SZT2: variants seen among roughly 807,000 people sequenced by gnomAD.
SZT2 encodes SZT2 subunit of KICSTOR complex.
A neutral mutation model predicts 404.2 loss-of-function variants in SZT2; 216 were observed. That is an observed-to-expected ratio of 0.53 (90% CI 0.48 to 0.60). The LOEUF (loss-of-function observed/expected upper bound fraction) is 0.60. SZT2 is among the 20% of genes least tolerant of loss of function. The pLI is 0.00. For synonymous variants in SZT2, 1,693 were observed against 1,749.9 expected (o/e 0.97, Z 0.81); for missense variants, 3,857 against 4,459.2 (o/e 0.86, Z 3.85).
chr1:43,450,025 C>T lies in SZT2; in HGVS notation c.10087-78C>T, dbSNP rs1447741784. On this transcript the variant is annotated intron_variant, in intron 70 of 71. Transcript: ENST00000634258. This position sits in a 1 kb window ranked among gnomAD's most constrained non-coding sequence, Gnocchi z 4.3. Reference sequence around the variant, plus strand: ...GGTGTGGAGATGGAAGTAGGCCTCTCCTCATCCTCCCTTCACCTCAGGATG... The same window carrying T: ...GGTGTGGAGATGGAAGTAGGCCTCTTCTCATCCTCCCTTCACCTCAGGATG... 1 of 1,566,872 alleles carries T rather than the reference C, an allele frequency of 6.4e-7. No individual in the cohort carries two copies. Among genetic ancestry groups the T allele is most frequent in the East Asian group, 2.2e-5 (1 of 44,642 alleles).
At position 43,441,857 on chromosome 1, in the gene SZT2, A is replaced by G. The variant is rs376391172; in HGVS notation, c.7742+39A>G. Reference sequence around the variant, plus strand: ...CTATAGAATTGAAGGGAACTCCCCTAGACTTCCTAAAAGCTGGGCCTACAG... The same window carrying G: ...CTATAGAATTGAAGGGAACTCCCCTGGACTTCCTAAAAGCTGGGCCTACAG... On this transcript the variant is annotated intron_variant, in intron 55 of 71. Coordinates refer to ENST00000634258, the MANE Select transcript of SZT2 (RefSeq NM_001365999.1). The surrounding 1 kb of genome is among the most constrained non-coding windows in gnomAD (Gnocchi z 4.8). 3.7e-6 allele frequency: 6 copies of G among 1,607,572 alleles called. No individual in the cohort carries two copies. In the African/African-American group the frequency reaches 6.7e-5, roughly 18 times the overall value.
In SZT2 at chr1:43,422,512, G is replaced by A. The variant is rs770215277; in HGVS notation, c.1802G>A (p.Ser601Asn). The change falls in exon 13 of 72, where the codon AGC becomes AAC. Residue 601 changes from serine to asparagine, a missense_variant. Physicochemically the swap from Ser to Asn is conservative, Grantham distance 46. Coordinates refer to ENST00000634258, the MANE Select transcript of SZT2 (RefSeq NM_001365999.1). ...PIPKHLHTPG[S>N]NGRYSTIQCR... The stretch of plus-strand genomic sequence containing the variant: ...CCCAAGCACTTGCACACCCCGGGCA[G>A]CAATGGGCGCTACAGCACTATCCAG... 7 of 1,596,044 alleles carry A rather than the reference G, an allele frequency of 4.4e-6. No individual in the cohort carries two copies. In the East Asian group the frequency reaches 8.9e-5, roughly 20 times the overall value.
chr1:43,441,506 G>A lies in SZT2; in HGVS notation c.7514G>A (p.Arg2505His), dbSNP rs374896394. 66 of 1,613,492 alleles carry A rather than the reference G, an allele frequency of 4.1e-5. No individual in the cohort carries two copies. Among genetic ancestry groups the A allele is most frequent in the African/African-American group, 2.9e-4 (22 of 75,032 alleles). ...GCTCTTACTCCCACTGTCTTCAGGC[G>A]CCGGACAACACAGCTAGAAGAGGGT... The part of the protein sequence containing the change: ...GSDSGAQRQK[R>H]RTTQLEEGEV... The change falls in exon 54 of 72, where the codon CGC becomes CAC. Residue 2505 changes from arginine to histidine, a missense_variant and splice_region_variant. By Grantham distance (29) the Arg-to-His change is conservative. Coordinates refer to ENST00000634258, the MANE Select transcript of SZT2 (RefSeq NM_001365999.1). The surrounding 1 kb of genome is among the most constrained non-coding windows in gnomAD (Gnocchi z 4.8).
In SZT2 at chr1:43,431,701, GCTGT is replaced by G; in HGVS notation, c.5089-12_5089-9del. The G allele has an allele frequency of 6.2e-7, 1 of 1,613,158 alleles. No homozygotes were observed. The highest frequency in any genetic ancestry group is 1.3e-5 in the African/African-American group (1 of 75,042). On this transcript the variant is annotated splice_polypyrimidine_tract_variant and intron_variant, in intron 35 of 71. Coordinates refer to ENST00000634258, the MANE Select transcript of SZT2 (RefSeq NM_001365999.1). ...GCAAGGGAGATGCCCTTTGTCACTT[GCTGT>G]CTAACTGTAGATCCGCTGGTTGTTG...
chr1:43,435,326 G>A lies in SZT2; in HGVS notation c.6031G>A (p.Asp2011Asn), dbSNP rs759227066. ...CCGTCAGCGGGCACCACTGCCCAGT[G>A]ATGGTGAGATCCCACCCAGGAGCCT... ...HSRQRAPLPS[D>N]DYAADESCAP... Residue 2011 changes from aspartate to asparagine, a missense_variant, in exon 42 of 72, where the codon GAT becomes AAT. This residue lies in a region of SZT2 where 1,725 missense variants were observed against 1,881.0 expected (regional missense o/e 0.92). Coordinates refer to ENST00000634258, the MANE Select transcript of SZT2 (RefSeq NM_001365999.1). 4.3e-6 allele frequency: 7 copies of A among 1,614,022 alleles called. No individual in the cohort carries two copies. Among genetic ancestry groups the A allele is most frequent in the East Asian group, 2.2e-5 (1 of 44,892 alleles).
rs777253116 is a variant in SZT2, at chr1:43,440,520, C to A, written c.7278C>A (p.Ala2426=). Residue 2426 remains alanine (A), a synonymous_variant, in exon 52 of 72, where the codon GCC becomes GCA. Transcript: ENST00000634258. ...SAGRASTFPP[A]PVPGEPVTPP... is the part of the protein sequence containing the mutation. ...GCCGAGCTAGCACCTTTCCCCCTGC[C>A]CCTGTCCCTGGGGAGCCTGTGACTC... 1 of 1,608,294 alleles carries A rather than the reference C, an allele frequency of 6.2e-7. No individual in the cohort carries two copies.
chr1:43,441,767 T>C lies in SZT2; in HGVS notation c.7691T>C (p.Leu2564Pro), dbSNP rs763523809. The change falls in exon 55 of 72, where the codon CTG (leucine) becomes CCG (proline). Residue 2564 changes from leucine to proline, a missense_variant. By Grantham distance (98) the Leu-to-Pro change is moderately conservative. Coordinates refer to ENST00000634258, the MANE Select transcript of SZT2 (RefSeq NM_001365999.1). The surrounding 1 kb of genome is among the most constrained non-coding windows in gnomAD (Gnocchi z 4.8). The stretch of plus-strand genomic sequence containing the variant: ...TCCATCCTGTCTGAGTTCACCGCAC[T>C]GGTCACCTCAATGGCTGGAGACACC... ...LPSILSEFTA[L>P]VTSMAGDTSV... The C allele has an allele frequency of 6.2e-7, 1 of 1,614,184 alleles. No individual in the cohort carries two copies.
intron 42 of SZT2, chr1:43,436,226 C>T (rs1370630043): frequency 6.6e-6 from 1 of 152,202 alleles, no homozygotes; most frequent in Non-Finnish European, 1.5e-5. Flanking sequence ...TTAACATTCT[C>T]AGCAAGTCTG....
Position 43,443,478 on chromosome 1 carries a change from G to GT in SZT2, c.8625+2dup, listed in dbSNP as rs2153936133. The GT allele has an allele frequency of 6.2e-7, 1 of 1,614,104 alleles. No homozygotes were observed. Among genetic ancestry groups the GT allele is most frequent in the East Asian group, 2.2e-5 (1 of 44,864 alleles). On this transcript the variant is annotated splice_donor_variant, in intron 61 of 71. Transcript: ENST00000634258. LOFTEE classifies it high-confidence loss of function. The stretch of plus-strand genomic sequence containing the variant: ...GACCTCTGGACCCCCTGACGGGCAG[G>GT]TAAGGCTGACTCCCAGACTTCTAGC...
intron 4 of SZT2, among the ~76,000 whole-genome samples, chr1:43,414,795 G>T (rs1383717767): frequency 6.6e-6 from 1 of 152,240 alleles, no homozygotes; most frequent in Non-Finnish European, 1.5e-5. Flanking sequence ...ATTAATAGAA[G>T]ATCTTATAGT....
At chr1:43,436,506 A>G (rs973972758) in intron 42 of SZT2, 3 of 152,324 alleles carry the variant, frequency 2.0e-5, no homozygotes, top group African/African-American at 7.2e-5. Context: ...AGCAACCAGC[A>G]TTCCATTCCA....
In SZT2 at chr1:43,451,740, C is replaced by T. The variant is rs74069990; in HGVS notation, c.*1260C>T. ...GTCCTAGGGAAGAGGATACTACATT[C>T]CGAGACCCCGCAGGCCCCGCCCTCC... On this transcript the variant is annotated 3_prime_UTR_variant, in exon 72 of 72. Coordinates refer to ENST00000634258, the MANE Select transcript of SZT2 (RefSeq NM_001365999.1). 11,375 of 1,613,898 alleles carry T rather than the reference C, an allele frequency of 7.0e-3. 733 individuals are homozygous for T. The African/African-American group carries it at 0.13, about 19-fold the overall frequency.
chr1:43,414,513 C>T (rs976519302), intron 4 of SZT2, among the ~76,000 whole-genome samples: 2 of 152,034 alleles, frequency 1.3e-5, no homozygotes, highest in African/African-American at 4.8e-5. Context: ...CCTCTGCCTT[C>T]CAGGTCCCAG....
chr1:43,394,505 G>C (rs1444829555), intron 1 of SZT2, among the ~76,000 whole-genome samples: 9 of 152,182 alleles, frequency 5.9e-5, no homozygotes, highest in African/African-American at 2.2e-4. Context: ...CACCATTCTA[G>C]CTGCTTAAAT....
At position 43,431,258 on chromosome 1, in the gene SZT2, T is replaced by C; in HGVS notation, c.4917-7T>C. 2 of 1,603,124 alleles carry C rather than the reference T, an allele frequency of 1.2e-6. No homozygotes were observed. Among genetic ancestry groups the C allele is most frequent in the Non-Finnish European group, 1.7e-6 (2 of 1,174,306 alleles). ...CCTGACCTTTGACTTGTTCCCACCCTGTTCAGGTCAACATCTGAAAGCAGT... is the reference window on the plus strand; with the variant it reads ...CCTGACCTTTGACTTGTTCCCACCCCGTTCAGGTCAACATCTGAAAGCAGT... On this transcript the variant is annotated splice_region_variant and splice_polypyrimidine_tract_variant and intron_variant, in intron 33 of 71. Coordinates refer to ENST00000634258, the MANE Select transcript of SZT2 (RefSeq NM_001365999.1).
At chr1:43,446,574 G>A (rs773008673) in intron 65 of SZT2, 158 bp downstream of exon 65, 2 of 846,952 alleles carry the variant, frequency 2.4e-6, no homozygotes, top group Admixed American at 2.2e-5. Flanking sequence ...GCTCATTCTG[G>A]TGCCATGACT....
intron 7 of SZT2, among the ~76,000 whole-genome samples, chr1:43,417,873 A>G (rs1651890947): frequency 6.6e-6 from 1 of 152,190 alleles, no homozygotes; most frequent in African/African-American, 2.4e-5. Flanking sequence ...GGTCTTTCAT[A>G]GGAAGAGGGC....
intron 24 of SZT2, 28 bp from the exon 25 acceptor site, chr1:43,427,253 G>T: frequency 1.2e-6 from 2 of 1,605,094 alleles, no homozygotes; most frequent in Non-Finnish European, 1.7e-6. Context: ...CCACCAGGCA[G>T]CTCTGATTTA....
Position 43,390,005 on chromosome 1 carries a change from G to A in SZT2, c.27+10G>A, listed in dbSNP as rs1648078825. ...GCGCCCGGAGCCGGAGGTGAGGGGCGGGCGGGCGCAGCACTGGGCCCCGAG... is the reference window on the plus strand; with the variant it reads ...GCGCCCGGAGCCGGAGGTGAGGGGCAGGCGGGCGCAGCACTGGGCCCCGAG... On this transcript the variant is annotated intron_variant, in intron 1 of 71. Coordinates refer to ENST00000634258, the MANE Select transcript of SZT2 (RefSeq NM_001365999.1). The A allele has an allele frequency of 7.2e-7, 1 of 1,386,256 alleles. No individual in the cohort carries two copies. Among genetic ancestry groups the A allele is most frequent in the South Asian group, 1.6e-5 (1 of 63,656 alleles). The allele number at this position is 1,386,256 out of a possible 1,614,324, so 85.9% of individuals were successfully genotyped here. A position where few individuals can be genotyped will look rare whatever the true frequency, so the allele number is the denominator to read the frequency against.
Sources: allele counts gnomAD v4.1 joint callset (sites outside exome capture counted in the v4.1 genomes callset), GRCh38; gene constraint gnomAD v4.1.1; regional missense constraint gnomAD v4.1.1; non-coding constraint Gnocchi (gnomAD v3.1); transcripts MANE v1.5; gene names NCBI Gene and HGNC (gene_info 2026-07-23, HGNC 2026-07-21).